RAD51B: variants seen among roughly 807,000 people sequenced by gnomAD.
RAD51B encodes the protein DNA repair protein RAD51 homolog 2.
In RAD51B, 38 loss-of-function variants were observed where a neutral mutation model predicts 42.2. The observed-to-expected ratio is 0.90, with a 90% CI of 0.70 to 1.18. The LOEUF is 1.18. RAD51B is among the 50% of genes most tolerant of loss of function. RAD51B has a pLI of 0.00. For missense variants in RAD51B, 373 were observed against 400.7 expected, an observed-to-expected ratio of 0.93 and a Z score of 0.59; for synonymous variants, 154 against 145.2, an observed-to-expected ratio of 1.06 and a Z score of -0.43.
At chr14:68,361,759 T>C (rs1277852301) in intron 8 of RAD51B, among the ~76,000 whole-genome samples, 1 of 152,128 alleles carries the variant, frequency 6.6e-6, no homozygotes, top group Non-Finnish European at 1.5e-5. Flanking sequence ...CACTGCAACC[T>C]CCATGTCCCA....
intron 7 of RAD51B, among the ~76,000 whole-genome samples, chr14:68,033,811 A>AT (rs2076082194): frequency 6.6e-6 from 1 of 152,170 alleles, no homozygotes. Flanking sequence ...GGGCTGAATC[A>AT]TCCCAGACAG....
At chr14:68,651,946 G>A (rs534586438) in intron 11 of RAD51B, among the ~76,000 whole-genome samples, 5 of 152,228 alleles carry the variant, frequency 3.3e-5, no homozygotes, top group South Asian at 4.2e-4. Flanking sequence ...CACGCCCAGC[G>A]CCCCACATTC....
chr14:67,918,970 GGA>G (rs1049472142), intron 7 of RAD51B, among the ~76,000 whole-genome samples: 2 of 152,098 alleles, frequency 1.3e-5, no homozygotes, highest in Non-Finnish European at 2.9e-5. Context: ...ATGTAACACT[GGA>G]GAGAGAGAGG....
chr14:67,882,752 C>CT lies in RAD51B; in HGVS notation c.453-3106dup, dbSNP rs926309023. Among the ~76,000 whole-genome samples, 83 of 147,668 alleles carry CT rather than the reference C, an allele frequency of 5.6e-4. 1 individual carries two copies. The highest frequency in any genetic ancestry group is 6.1e-4 in the Admixed American group (9 of 14,804). ...CACCCAATTAGTCAAGAAATTCTTT[C>CT]TTTTTTTTTTTGAGACGGAGCCTCA... On this transcript the variant is annotated intron_variant, in intron 5 of 10. Transcript: ENST00000471583.
intron 10 of RAD51B, among the ~76,000 whole-genome samples, chr14:68,602,303 T>C (rs1268526398): frequency 3.3e-5 from 5 of 151,876 alleles, no homozygotes; most frequent in Non-Finnish European, 1.5e-5. Flanking sequence ...CACACAAACA[T>C]AGACATATGT....
chr14:68,501,921 C>T (rs572115423), intron 10 of RAD51B, among the ~76,000 whole-genome samples: 10 of 152,368 alleles, frequency 6.6e-5, no homozygotes, highest in Non-Finnish European at 1.0e-4. Flanking sequence ...GTAGAAAGGG[C>T]GGAGCCGAGT....
At chr14:68,255,768 G>C (rs542236896) in intron 7 of RAD51B, among the ~76,000 whole-genome samples, 1 of 152,250 alleles carries the variant, frequency 6.6e-6, no homozygotes, top group African/African-American at 2.4e-5. Flanking sequence ...TTGCTACAGA[G>C]CTTTTCCTTC....
At chr14:67,898,640 A>G (rs1386621666) in intron 7 of RAD51B, among the ~76,000 whole-genome samples, 1 of 152,204 alleles carries the variant, frequency 6.6e-6, no homozygotes, top group East Asian at 1.9e-4. Context: ...TGTTTATGGC[A>G]TTGACCGTAG....
At chr14:68,238,010 G>A (rs1426423814) in intron 7 of RAD51B, among the ~76,000 whole-genome samples, 4 of 152,080 alleles carry the variant, frequency 2.6e-5, no homozygotes, top group Non-Finnish European at 1.5e-5. Flanking sequence ...CTCAGCCTCC[G>A]AAGCATTTAT....
At chr14:68,274,705 A>T (rs540836573) in intron 7 of RAD51B, among the ~76,000 whole-genome samples, 1 of 152,096 alleles carries the variant, frequency 6.6e-6, no homozygotes, top group African/African-American at 2.4e-5. Context: ...TTACTTCCTT[A>T]CTCTCCTTTT....
chr14:68,015,597 C>T (rs1047484862), intron 7 of RAD51B, among the ~76,000 whole-genome samples: 7 of 152,198 alleles, frequency 4.6e-5, no homozygotes, highest in Middle Eastern at 3.4e-3. Flanking sequence ...CATCAGATTT[C>T]GGGAGACTTA....
At chr14:68,225,702 G>A (rs79928857) in intron 7 of RAD51B, among the ~76,000 whole-genome samples, 1,723 of 152,272 alleles carry the variant, frequency 0.011, 43 homozygotes, top group African/African-American at 0.039. Flanking sequence ...TAAAGAAACT[G>A]GGATTAGCTT....
At chr14:68,171,419 C>T (rs1207658615) in intron 7 of RAD51B, among the ~76,000 whole-genome samples, 1 of 152,018 alleles carries the variant, frequency 6.6e-6, no homozygotes, top group Non-Finnish European at 1.5e-5. Flanking sequence ...CCTGCCTCAG[C>T]CTCCCAAGTA....
intron 7 of RAD51B, among the ~76,000 whole-genome samples, chr14:68,153,258 T>C (rs1374525786): frequency 1.3e-5 from 2 of 152,194 alleles, no homozygotes; most frequent in East Asian, 1.9e-4. Context: ...GATTTTGTTT[T>C]AGTCAATTAT....
At chr14:68,648,023 G>GTATATATATATATATA (rs1398832977) in intron 10 of RAD51B, among the ~76,000 whole-genome samples, 1 of 28,634 alleles carries the variant, frequency 3.5e-5, no homozygotes, top group Non-Finnish European at 7.2e-5. Flanking sequence ...ATATATATAC[G>GTATATATATATATATA]TATATATATA....
intron 8 of RAD51B, among the ~76,000 whole-genome samples, chr14:68,385,360 A>C (rs567165415): frequency 6.6e-6 from 1 of 151,920 alleles, no homozygotes; most frequent in African/African-American, 2.4e-5. Context: ...TTCGCCTTAC[A>C]CCCCCTAGCA....
At chr14:67,912,983 C>T (rs1052655271) in intron 7 of RAD51B, among the ~76,000 whole-genome samples, 3 of 152,124 alleles carry the variant, frequency 2.0e-5, no homozygotes, top group African/African-American at 7.2e-5. Context: ...GGATTACAGG[C>T]GTGAGCCACT....
At chr14:68,324,889 C>T (rs988084244) in intron 8 of RAD51B, among the ~76,000 whole-genome samples, 1 of 152,206 alleles carries the variant, frequency 6.6e-6, no homozygotes, top group Non-Finnish European at 1.5e-5. Context: ...GCAAATGAGG[C>T]TTTACCCGGC....
At chr14:68,348,691 A>G (rs187670956) in intron 8 of RAD51B, among the ~76,000 whole-genome samples, 2 of 152,310 alleles carry the variant, frequency 1.3e-5, no homozygotes, top group East Asian at 3.9e-4. Flanking sequence ...TGAGGTCAGG[A>G]GATTGAGACC....
Sources: gnomAD v4.1 joint callset for allele counts (sites outside exome capture counted in the v4.1 genomes callset) on GRCh38, gnomAD v4.1.1 for gene constraint, MANE v1.5 for transcripts, NCBI Gene and HGNC (gene_info 2026-07-23, HGNC 2026-07-21) for gene names.